Variants in RSRC1 observed in about 807,000 individuals in gnomAD.
The protein encoded by RSRC1 is arginine and serine rich coiled-coil 1.
In RSRC1, 39 loss-of-function variants were observed where a neutral mutation model predicts 49.1. The observed-to-expected ratio is 0.79, with a 90% CI of 0.61 to 1.04. The LOEUF (loss-of-function observed/expected upper bound fraction) is 1.04, where lower values mean the gene tolerates loss of function less well. Ranked by LOEUF, RSRC1 falls within the 50% of genes least tolerant of loss-of-function variation. The pLI is 0.00. For synonymous variants in RSRC1, 143 were observed against 130.8 expected (o/e 1.09, Z -0.63); for missense variants, 388 against 402.4 (o/e 0.96, Z 0.31).
intron 6 of RSRC1, among the ~76,000 whole-genome samples, chr3:158,448,955 C>T (rs546073074): frequency 3.9e-5 from 6 of 151,930 alleles, no homozygotes; most frequent in African/African-American, 1.2e-4. Flanking sequence ...ATTCAATATG[C>T]TCCAACTATT....
chr3:158,457,300 G>A (rs556305730), intron 6 of RSRC1, among the ~76,000 whole-genome samples: 81 of 152,302 alleles, frequency 5.3e-4, no homozygotes, highest in Admixed American at 2.0e-3. Context: ...GCTGGTTCCG[G>A]TACAATCAGC....
At chr3:158,418,496 A>G (rs771573253) in intron 6 of RSRC1, among the ~76,000 whole-genome samples, 7 of 151,964 alleles carry the variant, frequency 4.6e-5, no homozygotes, top group Non-Finnish European at 7.4e-5. Flanking sequence ...GATACTCTAC[A>G]TGATTGATTC....
chr3:158,118,245 T>C (rs1260456586), intron 1 of RSRC1, among the ~76,000 whole-genome samples: 1 of 152,154 alleles, frequency 6.6e-6, no homozygotes. Flanking sequence ...CCACCGTGCC[T>C]GGCCTTAATT....
chr3:158,135,641 A>G (rs775979412), intron 3 of RSRC1, among the ~76,000 whole-genome samples: 10 of 151,414 alleles, frequency 6.6e-5, no homozygotes, highest in Non-Finnish European at 1.3e-4. Context: ...TTTTCTTCAC[A>G]TGGTAGCCAA....
intron 5 of RSRC1, among the ~76,000 whole-genome samples, chr3:158,319,625 G>A (rs887587205): frequency 1.2e-4 from 19 of 152,172 alleles, no homozygotes; most frequent in Non-Finnish European, 2.4e-4. Context: ...CTAAACCATC[G>A]CATTTCATGT....
chr3:158,308,123 T>C (rs1424655261), intron 5 of RSRC1, among the ~76,000 whole-genome samples: 3 of 151,964 alleles, frequency 2.0e-5, no homozygotes. Context: ...TTTGTAACTG[T>C]TATACACAGA....
intron 6 of RSRC1, among the ~76,000 whole-genome samples, chr3:158,453,904 A>G (rs1274648168): frequency 6.6e-6 from 1 of 151,948 alleles, no homozygotes; most frequent in East Asian, 1.9e-4. Context: ...CCTTGATTAG[A>G]CTTTCTAAAG....
intron 6 of RSRC1, among the ~76,000 whole-genome samples, chr3:158,423,986 G>C (rs1183944731): frequency 1.3e-5 from 2 of 150,624 alleles, no homozygotes; most frequent in African/African-American, 4.9e-5. Flanking sequence ...AGACAATGGG[G>C]TTTTCTAGAT....
intron 6 of RSRC1, among the ~76,000 whole-genome samples, chr3:158,449,789 T>C (rs1419743361): frequency 6.6e-6 from 1 of 152,018 alleles, no homozygotes; most frequent in Admixed American, 6.6e-5. Flanking sequence ...TGAGTTCTAG[T>C]CATTTTGAAT....
intron 7 of RSRC1, among the ~76,000 whole-genome samples, chr3:158,474,647 A>G (rs543995940): frequency 1.3e-5 from 2 of 152,080 alleles, no homozygotes; most frequent in Admixed American, 6.6e-5. Flanking sequence ...CAATCCTTTC[A>G]GCCACTTTCT....
intron 6 of RSRC1, among the ~76,000 whole-genome samples, chr3:158,364,566 G>A (rs1025398378): frequency 5.3e-5 from 8 of 151,974 alleles, no homozygotes; most frequent in Non-Finnish European, 1.0e-4. Context: ...GATACTAATA[G>A]TACATAACTA....
At chr3:158,483,597 C>A (rs1328329715) in intron 7 of RSRC1, among the ~76,000 whole-genome samples, 1 of 151,882 alleles carries the variant, frequency 6.6e-6, no homozygotes, top group Non-Finnish European at 1.5e-5. Context: ...AAAACTTTCA[C>A]AATTTAAAGG....
intron 5 of RSRC1, among the ~76,000 whole-genome samples, chr3:158,333,774 C>G: frequency 6.6e-6 from 1 of 152,172 alleles, no homozygotes; most frequent in East Asian, 1.9e-4. Flanking sequence ...TGTGAAGTCT[C>G]TAAAGCAAAG....
intron 6 of RSRC1, among the ~76,000 whole-genome samples, chr3:158,405,509 A>C (rs1734119530): frequency 6.6e-6 from 1 of 152,102 alleles, no homozygotes; most frequent in African/African-American, 2.4e-5. Context: ...TTTGGCATGC[A>C]GTTTCTCTGT....
intron 3 of RSRC1, among the ~76,000 whole-genome samples, chr3:158,185,162 A>G (rs1223477381): frequency 6.6e-6 from 1 of 152,034 alleles, no homozygotes; most frequent in Non-Finnish European, 1.5e-5. Flanking sequence ...TTAATGTTTA[A>G]TAATTTAAAT....
chr3:158,309,971 T>C (rs763965449), intron 5 of RSRC1, among the ~76,000 whole-genome samples: 88 of 151,668 alleles, frequency 5.8e-4, no homozygotes, highest in Non-Finnish European at 8.9e-4. Flanking sequence ...TAAGGTAACC[T>C]TGAGAAAGTG....
At chr3:158,430,018 A>C (rs920494225) in intron 6 of RSRC1, among the ~76,000 whole-genome samples, 1 of 151,632 alleles carries the variant, frequency 6.6e-6, no homozygotes, top group Non-Finnish European at 1.5e-5. Flanking sequence ...AATTTTAAGA[A>C]GGTAGATCTC....
intron 7 of RSRC1, among the ~76,000 whole-genome samples, chr3:158,515,381 A>G (rs1335505713): frequency 2.4e-5 from 3 of 127,552 alleles, no homozygotes; most frequent in Non-Finnish European, 4.9e-5. Context: ...TGGATATGAA[A>G]TTCTGGGTTG....
chr3:158,210,017 TAGA>T (rs1325040359), intron 4 of RSRC1, among the ~76,000 whole-genome samples: 2 of 152,106 alleles, frequency 1.3e-5, no homozygotes, highest in Non-Finnish European at 2.9e-5. Flanking sequence ...TAGTGATTGG[TAGA>T]AGATGTTGGG....
Sources: gnomAD v4.1 joint callset for allele counts (sites outside exome capture counted in the v4.1 genomes callset) on GRCh38, gnomAD v4.1.1 for gene constraint, MANE v1.5 for transcripts, NCBI Gene and HGNC (gene_info 2026-07-23, HGNC 2026-07-21) for gene names.